The following THNSL2 variants were observed in gnomAD, a reference collection of about 807,000 sequenced individuals.
THNSL2 encodes threonine synthase like 2.
In THNSL2, 34 loss-of-function variants were observed where a neutral mutation model predicts 40.0. That is an observed-to-expected ratio of 0.85 (90% CI 0.65 to 1.13). The LOEUF is 1.13. Ranked by LOEUF, THNSL2 falls within the 50% of genes most tolerant of loss-of-function variation. THNSL2 has a pLI of 0.00. For missense variants in THNSL2, 537 were observed against 608.8 expected (o/e 0.88, Z 1.24); for synonymous variants, 241 against 247.5 (o/e 0.97, Z 0.25).
chr2:88,180,604 C>T (rs1320580636), intron 5 of THNSL2, among the ~76,000 whole-genome samples: 3 of 151,530 alleles, frequency 2.0e-5, no homozygotes, highest in Non-Finnish European at 4.4e-5. Context: ...GCCAGGTTAA[C>T]AGTGATGTTG....
intron 1 of THNSL2, chr2:88,171,266 A>T (rs180677547): frequency 8.8e-6 from 4 of 456,336 alleles, no homozygotes; most frequent in Admixed American, 4.7e-5. Flanking sequence ...CCTGGAAGGC[A>T]TTGGACAGAA....
chr2:88,177,336 A>G (rs932302393), intron 4 of THNSL2, among the ~76,000 whole-genome samples: 9 of 152,186 alleles, frequency 5.9e-5, no homozygotes, highest in African/African-American at 1.9e-4. Context: ...TTTTCTGTAG[A>G]CTGGTAAGCT....
intron 4 of THNSL2, among the ~76,000 whole-genome samples, chr2:88,177,604 G>C (rs1677075768): frequency 6.6e-6 from 1 of 152,178 alleles, no homozygotes. Flanking sequence ...GTTTGATTCA[G>C]TGACTCACAA....
intron 4 of THNSL2, chr2:88,176,409 C>A (rs1676944081): frequency 6.6e-6 from 1 of 152,192 alleles, no homozygotes; most frequent in African/African-American, 2.4e-5. Flanking sequence ...TTTTACCTCT[C>A]ACACCCCACT....
Position 88,173,254 on chromosome 2 carries a change from T to C in THNSL2, c.104T>C (p.Leu35Pro). 6.2e-7 allele frequency: 1 copy of C among 1,612,218 alleles called. No individual in the cohort carries two copies. The highest frequency in any genetic ancestry group is 8.5e-7 in the Non-Finnish European group (1 of 1,179,882). Reference protein sequence around the residue: ...PDGGLFMPEELPQLDRGTLCQ... With the variant: ...PDGGLFMPEEPPQLDRGTLCQ... ...GGGGGCCTCTTTATGCCTGAAGAGCTCCCACAGTTGGACAGAGGGACCCTG... is the reference window on the plus strand; with the variant it reads ...GGGGGCCTCTTTATGCCTGAAGAGCCCCCACAGTTGGACAGAGGGACCCTG... The change falls in exon 2 of 9, where the codon CTC (leucine) becomes CCC (proline). Residue 35 changes from leucine (L) to proline (P), a missense_variant. By Grantham distance (98) the Leu-to-Pro change is moderately conservative. Transcript: ENST00000674334.
At position 88,175,275 on chromosome 2, in the gene THNSL2, G is replaced by T; in HGVS notation, c.445G>T (p.Ala149Ser). The change falls in exon 4 of 9, where the codon GCC (alanine) becomes TCC (serine). Residue 149 changes from alanine (A) to serine (S), a missense_variant. Coordinates refer to ENST00000674334, the MANE Select transcript of THNSL2 (RefSeq NM_018271.5). Reference protein sequence around the residue: ...VGTSGDTGSAAIESVQGAKNM... With the variant: ...VGTSGDTGSASIESVQGAKNM... ...AACATCTGGGGACACAGGAAGTGCT[G>T]CCATTGAGAGTGTTCAAGGGGCAAA... The T allele has an allele frequency of 6.2e-7, 1 of 1,614,166 alleles. No individual in the cohort carries two copies. The highest frequency in any genetic ancestry group is 2.2e-5 in the East Asian group (1 of 44,886).
At chr2:88,172,801 A>G in intron 1 of THNSL2, 1 of 184,576 alleles carries the variant, frequency 5.4e-6, no homozygotes, top group Admixed American at 6.2e-5. Context: ...TCAAGCTGGC[A>G]GTTGCCTACT....
At chr2:88,185,620 G>T in intron 8 of THNSL2, 141 bp downstream of exon 8, 1 of 1,551,516 alleles carries the variant, frequency 6.4e-7, no homozygotes, top group Non-Finnish European at 8.7e-7. Flanking sequence ...ACTGTGCCTT[G>T]GAAACTGTGG....
intron 5 of THNSL2, among the ~76,000 whole-genome samples, 159 bp downstream of exon 5, chr2:88,179,172 C>A (rs1447326130): frequency 6.6e-6 from 1 of 152,240 alleles, no homozygotes; most frequent in Admixed American, 6.5e-5. Flanking sequence ...AGATTTCCCC[C>A]CTCATTGCCT....
intron 5 of THNSL2, among the ~76,000 whole-genome samples, chr2:88,182,160 T>C (rs1396299783): frequency 1.3e-5 from 2 of 152,224 alleles, no homozygotes; most frequent in Non-Finnish European, 2.9e-5. Context: ...ATGATAACTC[T>C]GTTTAATATT....
In THNSL2 at chr2:88,182,973, T is replaced by A; in HGVS notation, c.977T>A (p.Phe326Tyr). The change falls in exon 7 of 9, where the codon TTC becomes TAC. Residue 326 changes from phenylalanine (F) to tyrosine (Y), a missense_variant. Physicochemically the swap from Phe to Tyr is conservative, Grantham distance 22. Transcript: ENST00000674334. ...IQVPYNMERVFWLLSGSDSQV... is the reference protein window; with the variant it reads ...IQVPYNMERVYWLLSGSDSQV... The stretch of plus-strand genomic sequence containing the variant: ...GTGCCCTACAACATGGAGAGGGTGT[T>A]CTGGCTGCTCTCTGGCTCTGACAGC... 6.2e-7 allele frequency: 1 copy of A among 1,614,136 alleles called. No individual in the cohort carries two copies. The highest frequency in any genetic ancestry group is 8.5e-7 in the Non-Finnish European group (1 of 1,180,030).
chr2:88,170,449 C>CCG lies in THNSL2; in HGVS notation c.-18_-17dup, dbSNP rs967215941. ...CGCCCCGCGCCCCGCGCCCCGCGCC[C>CCG]CGCACCGGTAACGCGCGCCAACCTC... On this transcript the variant is annotated 5_prime_UTR_variant, in exon 1 of 9. Coordinates refer to ENST00000674334, the MANE Select transcript of THNSL2 (RefSeq NM_018271.5). 4 of 151,790 alleles carry CCG rather than the reference C, an allele frequency of 2.6e-5. No individual in the cohort carries two copies. The highest frequency in any genetic ancestry group is 4.9e-5 in the African/African-American group (2 of 41,060). The allele number at this position is 151,790 out of a possible 1,614,324, so 9.4% of individuals were successfully genotyped here. A position where few individuals can be genotyped will look rare whatever the true frequency, so the allele number is the denominator to read the frequency against.
In THNSL2 at chr2:88,182,767, ATC is replaced by A. The variant is rs756080294; in HGVS notation, c.872_873del (p.Ile291ThrfsTer13). 3 of 1,614,180 alleles carry A rather than the reference ATC, an allele frequency of 1.9e-6. No individual in the cohort carries two copies. Among genetic ancestry groups the A allele is most frequent in the Non-Finnish European group, 2.5e-6 (3 of 1,180,040 alleles). On this transcript the variant is annotated frameshift_variant, in exon 6 of 9. Coordinates refer to ENST00000674334, the MANE Select transcript of THNSL2 (RefSeq NM_018271.5). LOFTEE classifies it high-confidence loss of function. ...LVVAVNRNDI[I>X]HRTVQQGDFS... ...CGTGGCAGTGAACCGCAATGACATC[ATC>A]CACAGGACTGTCCAGCAGGGAGACT...
chr2:88,185,405 C>T lies in THNSL2; in HGVS notation c.1155C>T (p.Asn385=). 6.2e-7 allele frequency: 1 copy of T among 1,614,074 alleles called. No homozygotes were observed. Among genetic ancestry groups the T allele is most frequent in the South Asian group, 1.1e-5 (1 of 91,072 alleles). ...TQTMGRCWDE[N]QYLLCPHSAV... is the part of the protein sequence containing the mutation. Reference sequence around the variant, plus strand: ...CCATGGGCCGCTGCTGGGATGAGAACCAGTACTTGCTGTGCCCCCACTCAG... The same window carrying T: ...CCATGGGCCGCTGCTGGGATGAGAATCAGTACTTGCTGTGCCCCCACTCAG... Residue 385 remains asparagine, a synonymous_variant, in exon 8 of 9, where the codon AAC becomes AAT. Coordinates refer to ENST00000674334, the MANE Select transcript of THNSL2 (RefSeq NM_018271.5).
At chr2:88,173,831 G>C (rs1257262540) in intron 2 of THNSL2, among the ~76,000 whole-genome samples, 2 of 152,160 alleles carry the variant, frequency 1.3e-5, no homozygotes, top group Non-Finnish European at 2.9e-5. Flanking sequence ...TGGATTCCCT[G>C]GGGGATCTTG....
At chr2:88,185,837 C>T in intron 8 of THNSL2, 61 bp from the exon 9 acceptor site, 2 of 1,544,726 alleles carry the variant, frequency 1.3e-6, no homozygotes, top group South Asian at 2.4e-5. Context: ...TCCACCTTCT[C>T]CTTTCCCATC....
At chr2:88,178,734 G>T in intron 4 of THNSL2, 49 bp from the exon 5 acceptor site, 1 of 1,605,222 alleles carries the variant, frequency 6.2e-7, no homozygotes. Flanking sequence ...TGACCTCCTG[G>T]GGGTTCTACA....
intron 5 of THNSL2, among the ~76,000 whole-genome samples, chr2:88,180,441 G>T (rs905897463): frequency 1.3e-5 from 2 of 152,104 alleles, no homozygotes; most frequent in African/African-American, 2.4e-5. Context: ...GTGTGGTGGC[G>T]CATGCCTGTA....
chr2:88,175,489 A>T, intron 4 of THNSL2, 88 bp downstream of exon 4: 4 of 1,532,922 alleles, frequency 2.6e-6, no homozygotes, highest in Non-Finnish European at 3.6e-6. Flanking sequence ...AAAATTGCAC[A>T]GTTGGGTAGC....
Sources: gnomAD v4.1 joint callset for allele counts (sites outside exome capture counted in the v4.1 genomes callset) on GRCh38, gnomAD v4.1.1 for gene constraint, MANE v1.5 for transcripts, NCBI Gene and HGNC (gene_info 2026-07-23, HGNC 2026-07-21) for gene names.